The following FAM171B variants were observed in gnomAD, a reference collection of about 807,000 sequenced individuals.
FAM171B encodes protein FAM171B.
In FAM171B, 19 loss-of-function variants were observed where a neutral mutation model predicts 75.6. The ratio of observed to expected loss-of-function variants is 0.25; its 90% CI spans 0.18 to 0.37. The LOEUF (loss-of-function observed/expected upper bound fraction) is 0.37. FAM171B is among the 10% of genes least tolerant of loss of function. The pLI is 1.00. For synonymous variants in FAM171B, 367 were observed against 361.7 expected (o/e 1.01, Z -0.17); for missense variants, 848 against 982.4 (o/e 0.86, Z 1.83).
intron 2 of FAM171B, among the ~76,000 whole-genome samples, chr2:186,741,429 A>C (rs1472285655): frequency 6.6e-6 from 1 of 152,150 alleles, no homozygotes; most frequent in Non-Finnish European, 1.5e-5. Context: ...AAAATATTTG[A>C]AACAGTAAGG....
rs985060110 is a variant in FAM171B at position 186,763,997 on chromosome 2, A to G, written c.*1174A>G. Reference sequence around the variant, plus strand: ...TTGCAACTTCTTTTTTCAGTTTTGTAAGTAATATATCTATGTTCTTTTCAT... The same window carrying G: ...TTGCAACTTCTTTTTTCAGTTTTGTGAGTAATATATCTATGTTCTTTTCAT... On this transcript the variant is annotated 3_prime_UTR_variant, in exon 8 of 8. Coordinates refer to ENST00000304698, the MANE Select transcript of FAM171B (RefSeq NM_177454.4). 3.5e-4 allele frequency: 54 copies of G among 152,186 alleles called. No homozygotes were observed. Among genetic ancestry groups the G allele is most frequent in the Middle Eastern group, 3.4e-3 (1 of 294 alleles). 9.4% of individuals were successfully genotyped at this position (152,186 alleles called of 1,614,324 possible). A position where few individuals can be genotyped will look rare whatever the true frequency, so the allele number is the denominator to read the frequency against.
intron 6 of FAM171B, among the ~76,000 whole-genome samples, chr2:186,759,378 A>T (rs541069971): frequency 6.6e-6 from 1 of 152,168 alleles, no homozygotes; most frequent in South Asian, 2.1e-4. Context: ...AGTGGGGTTG[A>T]TGGGTCATAT....
At chr2:186,741,495 C>T (rs1356455650) in intron 2 of FAM171B, among the ~76,000 whole-genome samples, 1 of 151,964 alleles carries the variant, frequency 6.6e-6, no homozygotes, top group Non-Finnish European at 1.5e-5. Flanking sequence ...AATGCCAAGA[C>T]CCTAACTAAA....
intron 1 of FAM171B, among the ~76,000 whole-genome samples, chr2:186,734,833 G>A (rs556739345): frequency 9.4e-4 from 143 of 152,346 alleles, no homozygotes; most frequent in Non-Finnish European, 1.7e-3. Context: ...GCGACAGGGG[G>A]CTGGCCTATC....
At chr2:186,735,695 C>T (rs901917503) in intron 1 of FAM171B, among the ~76,000 whole-genome samples, 4 of 152,222 alleles carry the variant, frequency 2.6e-5, no homozygotes, top group African/African-American at 9.6e-5. Flanking sequence ...TCAGATCTCA[C>T]TAACTGTTAT....
At chr2:186,752,512 T>G (rs1690471222) in intron 5 of FAM171B, among the ~76,000 whole-genome samples, 1 of 152,240 alleles carries the variant, frequency 6.6e-6, no homozygotes, top group Non-Finnish European at 1.5e-5. Flanking sequence ...CAGTACTACT[T>G]GGAATAAGTC....
chr2:186,743,687 G>A (rs1574109337), intron 3 of FAM171B, 112 bp downstream of exon 3: 3 of 743,878 alleles, frequency 4.0e-6, no homozygotes, highest in East Asian at 2.6e-5. Flanking sequence ...AAATTGATCA[G>A]TATGATTAGC....
At chr2:186,694,748 A>AACACACAC (rs57171143) in intron 1 of FAM171B, among the ~76,000 whole-genome samples, 2,832 of 133,310 alleles carry the variant, frequency 0.021, 34 homozygotes, top group Admixed American at 0.03. Flanking sequence ...GAATGACTGT[A>AACACACAC]ACACACACAC....
At chr2:186,705,295 G>A (rs1460001572) in intron 1 of FAM171B, among the ~76,000 whole-genome samples, 3 of 152,146 alleles carry the variant, frequency 2.0e-5, no homozygotes, top group African/African-American at 7.2e-5. Context: ...GCCATGGAAA[G>A]GGGTGGTAAC....
chr2:186,728,036 C>G (rs1056836639), intron 1 of FAM171B, among the ~76,000 whole-genome samples: 1 of 152,024 alleles, frequency 6.6e-6, no homozygotes, highest in Admixed American at 6.6e-5. Flanking sequence ...AGCCTGGTAT[C>G]TTTTGGGTTC....
intron 5 of FAM171B, among the ~76,000 whole-genome samples, chr2:186,752,889 G>A (rs1288804307): frequency 6.6e-6 from 1 of 151,940 alleles, no homozygotes; most frequent in Non-Finnish European, 1.5e-5. Flanking sequence ...TTCATAAAAG[G>A]TACAGGTTTT....
rs1690447789 is a variant in FAM171B at position 186,751,217 on chromosome 2, T to G, written c.808T>G (p.Ser270Ala). 1 of 1,612,090 alleles carries G rather than the reference T, an allele frequency of 6.2e-7. No homozygotes were observed. Among genetic ancestry groups the G allele is most frequent in the Non-Finnish European group, 8.5e-7 (1 of 1,178,704 alleles). ...SGGKELKVNG[S>A]IQVSLPLLRL... Reference sequence around the variant, plus strand: ...AGGAAAAGAACTAAAGGTCAATGGCTCTATTCAAGTTTCTCTTCCTCTTCT... The same window carrying G: ...AGGAAAAGAACTAAAGGTCAATGGCGCTATTCAAGTTTCTCTTCCTCTTCT... The change falls in exon 5 of 8, where the codon TCT (serine) becomes GCT (alanine). Residue 270 changes from serine to alanine, a missense_variant. Ser to Ala is a moderately conservative substitution (Grantham distance 99, BLOSUM62 1). Coordinates refer to ENST00000304698, the MANE Select transcript of FAM171B (RefSeq NM_177454.4).
At chr2:186,735,904 G>A (rs1359256649) in intron 1 of FAM171B, among the ~76,000 whole-genome samples, 1 of 152,168 alleles carries the variant, frequency 6.6e-6, no homozygotes, top group African/African-American at 2.4e-5. Flanking sequence ...ATTACTGAAT[G>A]TTCTTCAATT....
chr2:186,705,736 A>G (rs1574096500), intron 1 of FAM171B, among the ~76,000 whole-genome samples: 1 of 152,174 alleles, frequency 6.6e-6, no homozygotes, highest in East Asian at 1.9e-4. Context: ...ATTAGCAAGC[A>G]TGACAGCCAT....
At chr2:186,696,166 G>A (rs1689575648) in intron 1 of FAM171B, among the ~76,000 whole-genome samples, 4 of 152,032 alleles carry the variant, frequency 2.6e-5, no homozygotes, top group South Asian at 2.1e-4. Flanking sequence ...ATTAGATTGA[G>A]ATAAAGGAAC....
At chr2:186,752,301 G>T (rs376353061) in intron 5 of FAM171B, among the ~76,000 whole-genome samples, 1 of 152,096 alleles carries the variant, frequency 6.6e-6, no homozygotes, top group Admixed American at 6.6e-5. Flanking sequence ...AGAATAGGGC[G>T]CAATAGATCC....
chr2:186,744,830 ATTT>A (rs71017339), intron 3 of FAM171B, among the ~76,000 whole-genome samples: 4 of 127,656 alleles, frequency 3.1e-5, no homozygotes, highest in Non-Finnish European at 1.6e-5. Flanking sequence ...CCTGACCAGC[ATTT>A]TTTTTTTTTT....
chr2:186,705,225 G>A (rs1689718274), intron 1 of FAM171B, among the ~76,000 whole-genome samples: 2 of 152,184 alleles, frequency 1.3e-5, no homozygotes. Context: ...ATACATTAAA[G>A]GATGGTTTAT....
intron 5 of FAM171B, 39 bp from the exon 6 acceptor site, chr2:186,753,894 G>A (rs1404101044): frequency 2.0e-6 from 3 of 1,496,892 alleles, no homozygotes. Context: ...CAGTTCTTAA[G>A]ATATAACTGT....
Sources: allele counts gnomAD v4.1 joint callset (sites outside exome capture counted in the v4.1 genomes callset), GRCh38; gene constraint gnomAD v4.1.1; transcripts MANE v1.5; gene names NCBI Gene and HGNC (gene_info 2026-07-23, HGNC 2026-07-21).